The following UVRAG variants were observed in gnomAD, a reference collection of about 807,000 sequenced individuals.
The protein encoded by UVRAG is UV radiation resistance-associated gene protein.
A neutral mutation model predicts 78.0 loss-of-function variants in UVRAG; 19 were observed. That is an observed-to-expected ratio of 0.24 (90% CI 0.17 to 0.36). The LOEUF (loss-of-function observed/expected upper bound fraction) is 0.36, where lower values mean the gene tolerates loss of function less well. Ranked by LOEUF, UVRAG falls within the 10% of genes least tolerant of loss-of-function variation. UVRAG has a pLI of 1.00. For missense variants in UVRAG, 740 were observed against 853.8 expected (o/e 0.87, Z 1.66); for synonymous variants, 323 against 324.6 (o/e 1.00, Z 0.05).
chr11:75,837,876 C>T (rs1335139694), intron 1 of UVRAG, among the ~76,000 whole-genome samples: 1 of 152,188 alleles, frequency 6.6e-6, no homozygotes, highest in African/African-American at 2.4e-5. Context: ...ATTAGGCAGG[C>T]ATGGTGGCAT....
At chr11:75,833,630 A>T (rs1027760301) in intron 1 of UVRAG, among the ~76,000 whole-genome samples, 1 of 152,260 alleles carries the variant, frequency 6.6e-6, no homozygotes, top group Non-Finnish European at 1.5e-5. Flanking sequence ...CAGGGGTCTC[A>T]CAGCCTTCAG....
At chr11:75,847,008 A>G (rs1202085776) in intron 1 of UVRAG, among the ~76,000 whole-genome samples, 1 of 150,370 alleles carries the variant, frequency 6.7e-6, no homozygotes, top group Non-Finnish European at 1.5e-5. Context: ...TATTTTTAGT[A>G]GAGATGGGGT....
At chr11:75,842,398 CT>C (rs1352144680) in intron 1 of UVRAG, among the ~76,000 whole-genome samples, 1 of 151,248 alleles carries the variant, frequency 6.6e-6, no homozygotes, top group Non-Finnish European at 1.5e-5. Flanking sequence ...TGTTCATTGA[CT>C]AGTTCCATTA....
intron 13 of UVRAG, among the ~76,000 whole-genome samples, chr11:76,110,211 C>CATATATATATATATAT (rs10526191): frequency 0.019 from 2,583 of 136,428 alleles, 40 homozygotes; most frequent in African/African-American, 0.032. Context: ...ATATCTGGTA[C>CATATATATATATATAT]ATATATATAT....
At chr11:75,895,065 C>G (rs796638850) in intron 5 of UVRAG, among the ~76,000 whole-genome samples, 14 of 152,182 alleles carry the variant, frequency 9.2e-5, no homozygotes, top group African/African-American at 3.4e-4. Flanking sequence ...GCTTTGAGAA[C>G]AGGATTAAAT....
intron 5 of UVRAG, chr11:75,892,396 A>G (rs1947231193): frequency 4.1e-6 from 4 of 985,252 alleles, no homozygotes; most frequent in Non-Finnish European, 4.8e-6. Flanking sequence ...AATGCAGAGT[A>G]AGTGTTTCCC....
At chr11:75,943,317 T>TA (rs1565391585) in intron 6 of UVRAG, among the ~76,000 whole-genome samples, 13 of 150,974 alleles carry the variant, frequency 8.6e-5, no homozygotes, top group African/African-American at 2.7e-4. Flanking sequence ...TTTTTTTTTT[T>TA]TAAATTTATT....
At chr11:75,933,344 TA>T (rs1273625947) in intron 6 of UVRAG, among the ~76,000 whole-genome samples, 1 of 152,136 alleles carries the variant, frequency 6.6e-6, no homozygotes, top group Non-Finnish European at 1.5e-5. Context: ...TCTTGCCATA[TA>T]AAAAATTAAA....
intron 7 of UVRAG, among the ~76,000 whole-genome samples, chr11:75,967,266 C>G (rs1949040991): frequency 6.6e-6 from 1 of 152,160 alleles, no homozygotes; most frequent in Non-Finnish European, 1.5e-5. Context: ...AGCTCCTGTA[C>G]ATTTTATTAT....
rs556738985 is a variant in UVRAG at position 75,985,462 on chromosome 11, T to C, written c.826+1949T>C. 1.2e-4 allele frequency among the ~76,000 whole-genome samples: 18 copies of C among 152,158 alleles called. No individual in the cohort carries two copies. The East Asian group carries it at 3.5e-3, about 29-fold the overall frequency. Reference sequence around the variant, plus strand: ...TATATTATGGATATGGGTTCTTTTTTTGGCATATGCTTAAAAATATATTCT... The same window carrying C: ...TATATTATGGATATGGGTTCTTTTTCTGGCATATGCTTAAAAATATATTCT... On this transcript the variant is annotated intron_variant, in intron 8 of 14. Coordinates refer to ENST00000356136, the MANE Select transcript of UVRAG (RefSeq NM_003369.4).
chr11:75,821,298 A>G (rs1210156381), intron 1 of UVRAG, among the ~76,000 whole-genome samples: 2 of 152,072 alleles, frequency 1.3e-5, no homozygotes, highest in African/African-American at 2.4e-5. Context: ...GTATGTATAT[A>G]CTACATTTTG....
chr11:75,911,681 G>A, intron 5 of UVRAG: 1 of 271,482 alleles, frequency 3.7e-6, no homozygotes, highest in Non-Finnish European at 7.0e-6. Flanking sequence ...TGGCACTGTG[G>A]TGGGAGGGAA....
intron 3 of UVRAG, among the ~76,000 whole-genome samples, chr11:75,869,978 A>G (rs1170034557): frequency 6.6e-6 from 1 of 152,196 alleles, no homozygotes; most frequent in Non-Finnish European, 1.5e-5. Flanking sequence ...CTGATATTCT[A>G]CTTTTCAGTG....
At chr11:76,076,310 T>A (rs1951403292) in intron 13 of UVRAG, among the ~76,000 whole-genome samples, 1 of 152,164 alleles carries the variant, frequency 6.6e-6, no homozygotes, top group Non-Finnish European at 1.5e-5. Flanking sequence ...GACTCACAGA[T>A]CCACATGACT....
At position 75,861,780 on chromosome 11, in the gene UVRAG, G is replaced by C. The variant is rs1407654786; in HGVS notation, c.270G>C (p.Leu90Phe). Residue 90 changes from leucine (L) to phenylalanine (F), a missense_variant and splice_region_variant, in exon 3 of 15, where the codon TTG becomes TTC. Leu to Phe is a conservative substitution (Grantham distance 22). Transcript: ENST00000356136. ...GAAGTGAAGTGATTAAGAATTCCTTGGTAAGTTTGCTTTCTGACGGGTACA... is the reference window on the plus strand; with the variant it reads ...GAAGTGAAGTGATTAAGAATTCCTTCGTAAGTTTGCTTTCTGACGGGTACA... ...FYRSEVIKNS[L>F]NPTWRSLDFG... 6.2e-7 allele frequency: 1 copy of C among 1,605,848 alleles called. No homozygotes were observed.
intron 13 of UVRAG, among the ~76,000 whole-genome samples, chr11:76,106,647 C>T (rs936409226): frequency 5.7e-4 from 87 of 152,050 alleles, no homozygotes; most frequent in African/African-American, 2.0e-3. Context: ...GGATTACAAG[C>T]GTGAGCCACC....
intron 14 of UVRAG, among the ~76,000 whole-genome samples, chr11:76,131,300 T>C (rs1199651090): frequency 6.6e-6 from 1 of 152,214 alleles, no homozygotes; most frequent in African/African-American, 2.4e-5. Flanking sequence ...CCTGATCCCA[T>C]GGAGCTCAGC....
intron 2 of UVRAG, 67 bp from the exon 3 acceptor site, chr11:75,861,679 A>G: frequency 8.5e-7 from 1 of 1,177,612 alleles, no homozygotes; most frequent in Non-Finnish European, 1.2e-6. Flanking sequence ...AAATTAGAGG[A>G]TTAACAGTTG....
intron 13 of UVRAG, among the ~76,000 whole-genome samples, chr11:76,108,510 A>T (rs1488015176): frequency 1.3e-5 from 2 of 152,182 alleles, no homozygotes. Flanking sequence ...CAACTGCAAG[A>T]GCTGTGACGT....
Sources: gnomAD v4.1 joint callset for allele counts (sites outside exome capture counted in the v4.1 genomes callset) on GRCh38, gnomAD v4.1.1 for gene constraint, MANE v1.5 for transcripts, NCBI Gene and HGNC (gene_info 2026-07-23, HGNC 2026-07-21) for gene names.